The following DEUP1 variants were observed in gnomAD, a reference collection of about 807,000 sequenced individuals.
DEUP1 encodes coiled-coil domain containing 67.
DEUP1 carries 82 observed loss-of-function variants against 87.4 expected under a neutral mutation model. The observed-to-expected ratio is 0.94, with a 90% CI of 0.78 to 1.13. DEUP1 has a LOEUF of 1.13. Ranked by LOEUF, DEUP1 falls within the 50% of genes most tolerant of loss-of-function variation. The pLI is 0.00. For synonymous variants in DEUP1, 214 were observed against 222.7 expected, an observed-to-expected ratio of 0.96 and a Z score of 0.35; for missense variants, 663 against 681.5, an observed-to-expected ratio of 0.97 and a Z score of 0.30.
chr11:93,427,868 TG>T (rs1231699949), intron 13 of DEUP1, among the ~76,000 whole-genome samples: 1 of 57,010 alleles, frequency 1.8e-5, no homozygotes, highest in Non-Finnish European at 3.4e-5. Flanking sequence ...AAAAAACACA[TG>T]AAAAAATGCT....
At chr11:93,345,682 A>G (rs914682119) in intron 2 of DEUP1, among the ~76,000 whole-genome samples, 3 of 151,744 alleles carry the variant, frequency 2.0e-5, no homozygotes, top group African/African-American at 7.3e-5. Flanking sequence ...CTGTTCTTTG[A>G]CCATTTTCTA....
chr11:93,395,000 T>TA (rs986643713), intron 10 of DEUP1, among the ~76,000 whole-genome samples: 1 of 151,974 alleles, frequency 6.6e-6, no homozygotes, highest in Non-Finnish European at 1.5e-5. Context: ...TTTTTATCTT[T>TA]AAAAAAAAGT....
chr11:93,351,062 T>C (rs1379390887), intron 2 of DEUP1, among the ~76,000 whole-genome samples: 1 of 148,696 alleles, frequency 6.7e-6, no homozygotes, highest in Non-Finnish European at 1.5e-5. Flanking sequence ...ATATACATTT[T>C]ATATATATTA....
chr11:93,405,320 T>TCTAA (rs1947238127), intron 11 of DEUP1, among the ~76,000 whole-genome samples: 1 of 152,028 alleles, frequency 6.6e-6, no homozygotes, highest in Non-Finnish European at 1.5e-5. Context: ...AGCACTCCTT[T>TCTAA]ATCTTCTAAA....
rs1394626740 is a variant in DEUP1, at chr11:93,396,320, T to C, written c.1321T>C (p.Tyr441His). ...GMMGDLDPGEYMSMDFTNREQ... is the reference protein window; with the variant it reads ...GMMGDLDPGEHMSMDFTNREQ... The stretch of plus-strand genomic sequence containing the variant: ...GATGGGAGATTTAGACCCCGGAGAA[T>C]ACATGGTAATATGCTGACATCATTC... The change falls in exon 11 of 14, where the codon TAC (tyrosine) becomes CAC (histidine). Residue 441 changes from tyrosine to histidine, a missense_variant. Transcript: ENST00000298050. 7 of 1,529,704 alleles carry C rather than the reference T, an allele frequency of 4.6e-6. No homozygotes were observed. The highest frequency in any genetic ancestry group is 5.4e-6 in the Non-Finnish European group (6 of 1,121,420). 94.8% of individuals were successfully genotyped at this position (1,529,704 alleles called of 1,614,324 possible).
chr11:93,369,253 AT>A (rs768799853), intron 5 of DEUP1, among the ~76,000 whole-genome samples: 2 of 152,082 alleles, frequency 1.3e-5, no homozygotes, highest in Non-Finnish European at 2.9e-5. Flanking sequence ...CAAAGGCCCC[AT>A]TTCATAATGC....
intron 12 of DEUP1, among the ~76,000 whole-genome samples, 158 bp from the exon 13 acceptor site, chr11:93,414,842 A>C (rs370396963): frequency 1.3e-5 from 2 of 152,220 alleles, no homozygotes; most frequent in African/African-American, 4.8e-5. Flanking sequence ...GAAATTATTC[A>C]TCAGGAAAGT....
chr11:93,368,354 T>C (rs1452453220), intron 5 of DEUP1, among the ~76,000 whole-genome samples: 1 of 152,208 alleles, frequency 6.6e-6, no homozygotes. Flanking sequence ...AGTGCCTGTG[T>C]ATTAATCCAT....
intron 2 of DEUP1, among the ~76,000 whole-genome samples, chr11:93,334,290 C>A (rs925870031): frequency 6.6e-6 from 1 of 152,044 alleles, no homozygotes; most frequent in African/African-American, 2.4e-5. Flanking sequence ...CTTATTAAAC[C>A]ATGTCATCTA....
chr11:93,419,575 C>T (rs1410800057), intron 13 of DEUP1, among the ~76,000 whole-genome samples: 1 of 152,100 alleles, frequency 6.6e-6, no homozygotes, highest in Admixed American at 6.6e-5. Context: ...CTATGAGTTG[C>T]ATGACTTTGC....
intron 11 of DEUP1, among the ~76,000 whole-genome samples, chr11:93,401,649 C>T (rs916864578): frequency 6.6e-6 from 1 of 151,876 alleles, no homozygotes; most frequent in Non-Finnish European, 1.5e-5. Flanking sequence ...AATGCATTTA[C>T]AGCCAATTAA....
chr11:93,373,896 C>T (rs1163598724), intron 7 of DEUP1, among the ~76,000 whole-genome samples: 1 of 152,030 alleles, frequency 6.6e-6, no homozygotes, highest in African/African-American at 2.4e-5. Context: ...TACTAGTTTA[C>T]ATTCCCACCA....
intron 2 of DEUP1, among the ~76,000 whole-genome samples, chr11:93,353,144 G>A (rs1393695627): frequency 6.6e-6 from 1 of 152,196 alleles, no homozygotes; most frequent in Non-Finnish European, 1.5e-5. Context: ...TAGGGGTACA[G>A]GTATTGGGTA....
chr11:93,415,071 A>T lies in DEUP1; in HGVS notation c.1595A>T (p.Glu532Val), dbSNP rs1289463855. ...PLPPSTFQAK[E>V]MTSPLVSDDD... is the part of the protein sequence containing the mutation. ...CCACCTTCGACATTTCAAGCCAAAG[A>T]AATGACAAGTCCTTTGGTTAGTGAT... The change falls in exon 13 of 14, where the codon GAA (glutamate) becomes GTA (valine). Residue 532 changes from glutamate to valine, a missense_variant. Glu to Val is a moderately radical substitution (Grantham distance 121). Transcript: ENST00000298050. 5 of 1,610,030 alleles carry T rather than the reference A, an allele frequency of 3.1e-6. No individual in the cohort carries two copies. In the East Asian group the frequency reaches 1.1e-4, roughly 36 times the overall value.
chr11:93,348,447 T>C (rs1259237999), intron 2 of DEUP1, among the ~76,000 whole-genome samples: 2 of 152,238 alleles, frequency 1.3e-5, no homozygotes, highest in African/African-American at 4.8e-5. Context: ...AATTGAGATC[T>C]AACTTTTTGA....
chr11:93,346,121 C>G (rs1041038678), intron 2 of DEUP1, among the ~76,000 whole-genome samples: 1 of 152,114 alleles, frequency 6.6e-6, no homozygotes, highest in African/African-American at 2.4e-5. Context: ...GAGTTTTTCC[C>G]CATTGCTTGT....
At chr11:93,358,739 C>T (rs1446734097) in intron 4 of DEUP1, among the ~76,000 whole-genome samples, 3 of 152,114 alleles carry the variant, frequency 2.0e-5, no homozygotes, top group East Asian at 3.9e-4. Flanking sequence ...CGCACCGCCA[C>T]ACCCAGCTAA....
chr11:93,408,205 C>G, intron 11 of DEUP1, 26 bp from the exon 12 acceptor site: 1 of 1,461,900 alleles, frequency 6.8e-7, no homozygotes, highest in Non-Finnish European at 9.1e-7. Context: ...GCAGTTTATT[C>G]AATGATAGTT....
At chr11:93,378,898 T>C (rs1454319388) in intron 7 of DEUP1, among the ~76,000 whole-genome samples, 2 of 152,152 alleles carry the variant, frequency 1.3e-5, no homozygotes, top group Non-Finnish European at 2.9e-5. Flanking sequence ...TCTGTCCAAG[T>C]GGGAGCTGCA....
Sources: allele counts gnomAD v4.1 joint callset (sites outside exome capture counted in the v4.1 genomes callset), GRCh38; gene constraint gnomAD v4.1.1; transcripts MANE v1.5; gene names NCBI Gene and HGNC (gene_info 2026-07-23, HGNC 2026-07-21).